PATJ: variants seen among roughly 807,000 people sequenced by gnomAD.
The protein encoded by PATJ is inaD-like protein.
In PATJ, 190 loss-of-function variants were observed where a neutral mutation model predicts 224.9. The ratio of observed to expected loss-of-function variants is 0.84; its 90% CI spans 0.75 to 0.95. The LOEUF is 0.95. Ranked by LOEUF, PATJ falls within the 40% of genes least tolerant of loss-of-function variation. PATJ has a pLI of 0.00. For missense variants in PATJ, 2,121 were observed against 2,270.3 expected (o/e 0.93, Z 1.34); for synonymous variants, 769 against 820.3 (o/e 0.94, Z 1.07).
intron 15 of PATJ, among the ~76,000 whole-genome samples, chr1:61,826,492 T>C (rs1318089881): frequency 6.6e-6 from 1 of 152,256 alleles, no homozygotes; most frequent in Non-Finnish European, 1.5e-5. Context: ...ATTCTGTTCA[T>C]GCCTCAGCTT....
At chr1:61,975,285 T>A (rs1319118456) in intron 27 of PATJ, among the ~76,000 whole-genome samples, 4 of 152,034 alleles carry the variant, frequency 2.6e-5, no homozygotes, top group African/African-American at 7.3e-5. Context: ...AGGTACTGAT[T>A]GCCAAAGTTG....
chr1:61,981,274 G>A (rs1035144777), intron 27 of PATJ, among the ~76,000 whole-genome samples: 1 of 151,902 alleles, frequency 6.6e-6, no homozygotes. Flanking sequence ...AGTGGCCCAT[G>A]AGAAGCACCT....
chr1:61,950,445 T>C (rs1679477533), intron 27 of PATJ, among the ~76,000 whole-genome samples: 1 of 152,202 alleles, frequency 6.6e-6, no homozygotes, highest in Admixed American at 6.5e-5. Context: ...AGTGCCTTTC[T>C]CTGTGTGCCA....
intron 31 of PATJ, among the ~76,000 whole-genome samples, chr1:62,057,562 G>A (rs141004616): frequency 0.012 from 1,764 of 152,318 alleles, 15 homozygotes; most frequent in Middle Eastern, 0.044. Context: ...GTCCATGAGA[G>A]ATGGTGGAAA....
chr1:61,764,879 A>G (rs1404172800), intron 3 of PATJ, among the ~76,000 whole-genome samples: 13 of 152,136 alleles, frequency 8.5e-5, no homozygotes, highest in Admixed American at 8.5e-4. Context: ...TGAAATTGGC[A>G]AAGATCAGCA....
chr1:61,752,026 T>A (rs1645360414), intron 1 of PATJ, among the ~76,000 whole-genome samples: 1 of 150,948 alleles, frequency 6.6e-6, no homozygotes. Flanking sequence ...TAATCCCAGC[T>A]ACTCAGGAAG....
intron 5 of PATJ, 24 bp from the exon 6 acceptor site, chr1:61,771,407 A>C: frequency 6.7e-7 from 1 of 1,495,818 alleles, no homozygotes; most frequent in African/African-American, 1.4e-5. Context: ...TCACTTAAAA[A>C]ATTTCTTTTC....
At chr1:62,110,235 G>GA (rs1248924176) in intron 34 of PATJ, among the ~76,000 whole-genome samples, 1 of 152,174 alleles carries the variant, frequency 6.6e-6, no homozygotes, top group Non-Finnish European at 1.5e-5. Flanking sequence ...TTTGGTCAGG[G>GA]AACGTGTTTC....
chr1:61,839,885 G>C (rs749094564), intron 17 of PATJ, among the ~76,000 whole-genome samples: 2 of 151,864 alleles, frequency 1.3e-5, no homozygotes, highest in African/African-American at 2.4e-5. Context: ...GTCTGAGAGA[G>C]ATAAAAATAG....
chr1:62,092,051 C>CAAA (rs574301543), intron 33 of PATJ, among the ~76,000 whole-genome samples: 3,273 of 83,578 alleles, frequency 0.039, 132 homozygotes, highest in African/African-American at 0.13. Context: ...GACCCTGTCT[C>CAAA]AAAAAAAAAA....
intron 19 of PATJ, among the ~76,000 whole-genome samples, chr1:61,863,027 G>GTTTTTGT (rs1664859152): frequency 1.3e-5 from 1 of 79,996 alleles, no homozygotes; most frequent in Non-Finnish European, 2.5e-5. Context: ...ACTGTTTTCA[G>GTTTTTGT]TTTTTTTTTT....
intron 28 of PATJ, among the ~76,000 whole-genome samples, chr1:62,011,275 A>G (rs35523060): frequency 6.6e-6 from 1 of 152,008 alleles, no homozygotes; most frequent in Non-Finnish European, 1.5e-5. Flanking sequence ...TGCCTTCCTC[A>G]CTAAGTTTCA....
intron 14 of PATJ, among the ~76,000 whole-genome samples, chr1:61,811,453 C>A (rs1654750236): frequency 6.6e-6 from 1 of 151,960 alleles, no homozygotes; most frequent in African/African-American, 2.4e-5. Flanking sequence ...TGGTCTCGAA[C>A]TCCTGCCCTC....
chr1:62,155,774 C>T (rs17569387), intron 43 of PATJ, among the ~76,000 whole-genome samples: 6,120 of 151,428 alleles, frequency 0.04, 186 homozygotes, highest in South Asian at 0.13. Context: ...AAGAATATTC[C>T]AGGCCGGGTG....
At chr1:61,812,407 TGAGAGAGA>T (rs769833245) in intron 14 of PATJ, among the ~76,000 whole-genome samples, 4 of 79,668 alleles carry the variant, frequency 5.0e-5, no homozygotes, top group Admixed American at 3.6e-4. Context: ...TGTGAGTGAC[TGAGAGAGA>T]GAGAGAGAGA....
intron 28 of PATJ, among the ~76,000 whole-genome samples, chr1:61,996,301 T>C (rs973864532): frequency 1.1e-4 from 16 of 152,192 alleles, no homozygotes; most frequent in Non-Finnish European, 2.4e-4. Context: ...CAGGTATACA[T>C]GCAGCTGCTT....
chr1:62,067,704 C>T (rs1656718656), intron 31 of PATJ, among the ~76,000 whole-genome samples: 2 of 152,140 alleles, frequency 1.3e-5, no homozygotes, highest in Non-Finnish European at 2.9e-5. Context: ...AGCCCAAGGA[C>T]CAAAAGTAGT....
chr1:62,105,115 GA>G (rs1403478604), intron 33 of PATJ, among the ~76,000 whole-genome samples: 1 of 152,206 alleles, frequency 6.6e-6, no homozygotes, highest in Non-Finnish European at 1.5e-5. Context: ...TTCAGCATTT[GA>G]AACTATTAAT....
intron 17 of PATJ, 56 bp from the exon 18 acceptor site, chr1:61,855,974 G>T (rs1168520845): frequency 7.6e-7 from 1 of 1,307,696 alleles, no homozygotes; most frequent in Non-Finnish European, 1.1e-6. Context: ...CTGTCCTAAG[G>T]CTGCATATTT....
Sources: allele counts gnomAD v4.1 joint callset (sites outside exome capture counted in the v4.1 genomes callset), GRCh38; gene constraint gnomAD v4.1.1; transcripts MANE v1.5; gene names NCBI Gene and HGNC (gene_info 2026-07-23, HGNC 2026-07-21).